ROPN1L: variants seen among roughly 807,000 people sequenced by gnomAD.
The protein encoded by ROPN1L is ropporin-1-like protein.
ROPN1L carries 23 observed loss-of-function variants against 22.7 expected under a neutral mutation model. That is an observed-to-expected ratio of 1.01 (90% CI 0.73 to 1.43). The LOEUF is 1.43. Ranked by LOEUF, ROPN1L falls within the 40% of genes most tolerant of loss-of-function variation. The pLI is 0.00. For missense variants in ROPN1L, 271 were observed against 291.5 expected (o/e 0.93, Z 0.51); for synonymous variants, 116 against 117.8 (o/e 0.98, Z 0.10).
At chr5:10,472,276 A>G (rs548708593), downstream of ROPN1L, among the ~76,000 whole-genome samples, 6 of 151,714 alleles carry the variant, frequency 4.0e-5, no homozygotes, top group South Asian at 1.2e-3. Context: ...TTTATTATGT[A>G]TTAAGTCCAC....
At chr5:10,452,315 CTGTGTG>C (rs70947209) in intron 3 of ROPN1L, among the ~76,000 whole-genome samples, 11 of 125,460 alleles carry the variant, frequency 8.8e-5, no homozygotes, top group East Asian at 7.4e-4. Context: ...GTGTGTGTGT[CTGTGTG>C]TGTGTGTGTG....
At chr5:10,477,224 C>T in the ROPN1L span, among the ~76,000 whole-genome samples, 3 of 152,172 alleles carry the variant, frequency 2.0e-5, no homozygotes, top group Non-Finnish European at 4.4e-5. Context: ...TTTGCTGACC[C>T]CGGGTCTATG....
At chr5:10,456,707 C>G (rs1211626042) in intron 3 of ROPN1L, among the ~76,000 whole-genome samples, 1 of 152,188 alleles carries the variant, frequency 6.6e-6, no homozygotes, top group African/African-American at 2.4e-5. Flanking sequence ...CAAGATGGAG[C>G]AAGTTGCCTT....
At chr5:10,443,344 C>T (rs1238179156) in intron 1 of ROPN1L, among the ~76,000 whole-genome samples, 3 of 145,196 alleles carry the variant, frequency 2.1e-5, no homozygotes, top group Admixed American at 1.4e-4. Flanking sequence ...ACATTTGGGC[C>T]GGGCGCGGTG....
chr5:10,456,316 C>T (rs1218166913), intron 3 of ROPN1L, among the ~76,000 whole-genome samples: 3 of 152,094 alleles, frequency 2.0e-5, no homozygotes, highest in East Asian at 1.9e-4. Flanking sequence ...GTGAAACCCC[C>T]GTCTCTACTA....
downstream of ROPN1L, among the ~76,000 whole-genome samples, chr5:10,465,693 A>G (rs548160221): frequency 6.6e-6 from 1 of 151,270 alleles, no homozygotes; most frequent in South Asian, 2.1e-4. Flanking sequence ...TACTAGAAAT[A>G]ATAAAAAAAT....
the ROPN1L span, among the ~76,000 whole-genome samples, chr5:10,479,792 C>A: frequency 1.6e-4 from 24 of 152,076 alleles, no homozygotes; most frequent in African/African-American, 5.8e-4. Context: ...GTTGTCCAGG[C>A]TGGAGTGCAA....
intron 4 of ROPN1L, among the ~76,000 whole-genome samples, chr5:10,463,203 G>C (rs927145765): frequency 4.8e-4 from 73 of 152,336 alleles, no homozygotes; most frequent in African/African-American, 1.8e-3. Context: ...ATATTGTCCA[G>C]TGTTCTGATC....
intron 4 of ROPN1L, among the ~76,000 whole-genome samples, chr5:10,463,572 C>T (rs1735084973): frequency 6.6e-6 from 1 of 152,202 alleles, no homozygotes; most frequent in South Asian, 2.1e-4. Flanking sequence ...CCCGGCACTT[C>T]CCCTTGGGAC....
intron 4 of ROPN1L, 39 bp from the exon 5 acceptor site, chr5:10,464,809 G>T: frequency 7.9e-7 from 1 of 1,265,576 alleles, no homozygotes; most frequent in East Asian, 2.4e-5. Flanking sequence ...TATATGATGA[G>T]AAATTACCAA....
At chr5:10,475,552 A>G (rs946732901), downstream of ROPN1L, among the ~76,000 whole-genome samples, 1 of 152,230 alleles carries the variant, frequency 6.6e-6, no homozygotes, top group Admixed American at 6.5e-5. Context: ...GCCTGTCTCC[A>G]AAGAGTAAAC....
At chr5:10,444,316 G>T (rs1740984892) in intron 1 of ROPN1L, among the ~76,000 whole-genome samples, 1 of 152,094 alleles carries the variant, frequency 6.6e-6, no homozygotes, top group African/African-American at 2.4e-5. Context: ...TTGAGACGGA[G>T]TTTCACTCTT....
Position 10,458,946 on chromosome 5 carries a change from C to T in ROPN1L, c.418-2238C>T, listed in dbSNP as rs1338547121. Among the ~76,000 whole-genome samples, 3 of 124,440 alleles carry T rather than the reference C, an allele frequency of 2.4e-5. 1 individual carries two copies. Among genetic ancestry groups the T allele is most frequent in the Non-Finnish European group, 5.2e-5 (3 of 57,540 alleles). The allele number at this position is 124,440 out of a possible 152,430, so 81.6% of individuals were successfully genotyped here. ...CCCCCACCGTGTACACCATCCCGCC[C>T]GTGTACACCACCCCACCTGTATACA... On this transcript the variant is annotated intron_variant, in intron 3 of 4. Transcript: ENST00000274134.
intron 1 of ROPN1L, among the ~76,000 whole-genome samples, chr5:10,447,014 AAAG>A (rs1050132772): frequency 6.6e-6 from 1 of 152,230 alleles, no homozygotes. Flanking sequence ...TGAGGGGTGT[AAAG>A]AGAGAGAAAG....
downstream of ROPN1L, among the ~76,000 whole-genome samples, chr5:10,476,438 G>A (rs1735318826): frequency 6.6e-6 from 1 of 152,252 alleles, no homozygotes. Flanking sequence ...CGTGGCAGAT[G>A]TGACTAACAA....
intron 1 of ROPN1L, among the ~76,000 whole-genome samples, chr5:10,447,243 A>G (rs1207788457): frequency 6.6e-6 from 1 of 152,182 alleles, no homozygotes; most frequent in Admixed American, 6.5e-5. Context: ...TCTGGCAAAG[A>G]TACCAAGGGG....
chr5:10,449,627 A>G (rs1473577805), intron 2 of ROPN1L, among the ~76,000 whole-genome samples: 1 of 152,230 alleles, frequency 6.6e-6, no homozygotes, highest in Non-Finnish European at 1.5e-5. Context: ...AATGTTTTTT[A>G]CTGAGCTTTA....
chr5:10,471,937 G>A (rs577411909), exon 5 of ROPN1L: 22 of 152,436 alleles, frequency 1.4e-4, no homozygotes, highest in African/African-American at 5.0e-4. Flanking sequence ...AGACAAAGAA[G>A]TTTGAAATAT....
intron 2 of ROPN1L, among the ~76,000 whole-genome samples, chr5:10,449,061 C>T (rs937074724): frequency 6.6e-6 from 1 of 152,216 alleles, no homozygotes; most frequent in Non-Finnish European, 1.5e-5. Flanking sequence ...TGTGCTTCTG[C>T]GCAGGATACA....
Sources: allele counts gnomAD v4.1 joint callset (sites outside exome capture counted in the v4.1 genomes callset), GRCh38; gene constraint gnomAD v4.1.1; transcripts MANE v1.5; gene names NCBI Gene and HGNC (gene_info 2026-07-23, HGNC 2026-07-21).